STIM1: variants seen among roughly 807,000 people sequenced by gnomAD.
STIM1 encodes stromal interaction molecule 1.
In STIM1, 25 loss-of-function variants were observed where a neutral mutation model predicts 74.7. That is an observed-to-expected ratio of 0.33 (90% CI 0.24 to 0.47). STIM1 has a LOEUF of 0.47. Ranked by LOEUF, STIM1 falls within the 20% of genes least tolerant of loss-of-function variation. The pLI, the probability that STIM1 is intolerant of heterozygous loss-of-function variation, is 1.00. For missense variants in STIM1, 728 were observed against 920.8 expected (o/e 0.79, Z 2.71); for synonymous variants, 328 against 348.8 (o/e 0.94, Z 0.66).
intron 1 of STIM1, among the ~76,000 whole-genome samples, chr11:3,945,674 C>T (rs1299644665): frequency 6.6e-6 from 1 of 152,176 alleles, no homozygotes; most frequent in African/African-American, 2.4e-5. Context: ...TCTGTTAGGC[C>T]AGGGACCATG....
intron 1 of STIM1, among the ~76,000 whole-genome samples, chr11:3,885,593 A>G (rs776876176): frequency 1.3e-5 from 2 of 152,160 alleles, no homozygotes; most frequent in Non-Finnish European, 2.9e-5. Context: ...TCAGCTCACA[A>G]AGGTGGACAC....
chr11:3,918,296 C>T (rs963314989), intron 1 of STIM1, among the ~76,000 whole-genome samples: 1 of 152,116 alleles, frequency 6.6e-6, no homozygotes, highest in Non-Finnish European at 1.5e-5. Context: ...GCAGGTGGAT[C>T]ACTTGAGCCC....
chr11:3,980,712 G>T (rs1406635615), intron 2 of STIM1, among the ~76,000 whole-genome samples: 1 of 148,754 alleles, frequency 6.7e-6, no homozygotes, highest in Non-Finnish European at 1.5e-5. Context: ...AAAGGAAAAA[G>T]AAATTTCATT....
intron 3 of STIM1, among the ~76,000 whole-genome samples, chr11:4,043,190 G>A (rs1007299532): frequency 6.6e-6 from 1 of 152,102 alleles, no homozygotes. Context: ...CAGGGGTTTG[G>A]CAGTCTTTAA....
At chr11:3,939,727 A>G (rs921964338) in intron 1 of STIM1, among the ~76,000 whole-genome samples, 6 of 152,226 alleles carry the variant, frequency 3.9e-5, no homozygotes, top group South Asian at 2.1e-4. Context: ...TATTTGTTAA[A>G]TAAATGAATG....
At chr11:3,981,986 T>C (rs979042072) in intron 2 of STIM1, among the ~76,000 whole-genome samples, 26 of 152,172 alleles carry the variant, frequency 1.7e-4, no homozygotes, top group African/African-American at 5.3e-4. Flanking sequence ...TCTCTCTCTC[T>C]CTGTCTCTTT....
chr11:4,064,651 A>G (rs574478914), intron 5 of STIM1, among the ~76,000 whole-genome samples: 3 of 152,332 alleles, frequency 2.0e-5, no homozygotes, highest in Admixed American at 6.5e-5. Flanking sequence ...AACAGGTGCC[A>G]TCTGTCCACA....
intron 2 of STIM1, among the ~76,000 whole-genome samples, chr11:4,005,585 G>A (rs1050428543): frequency 1.5e-5 from 2 of 133,148 alleles, no homozygotes; most frequent in South Asian, 3.0e-4. Flanking sequence ...GTTGTGGGGT[G>A]GGGGGAGGGG....
intron 2 of STIM1, among the ~76,000 whole-genome samples, chr11:4,006,691 G>A (rs551932656): frequency 1.8e-4 from 27 of 152,318 alleles, no homozygotes; most frequent in African/African-American, 6.0e-4. Context: ...TGGGATTACA[G>A]GTGTGAGCCA....
At position 4,031,353 on chromosome 11, in the gene STIM1, A is replaced by G. The variant is rs564429010; in HGVS notation, c.385+7366A>G. ...GGCTATTACAAATAAAGCTGCTATGAACATTCACATGTAAGTCTGTATGGA... is the reference window on the plus strand; with the variant it reads ...GGCTATTACAAATAAAGCTGCTATGGACATTCACATGTAAGTCTGTATGGA... On this transcript the variant is annotated intron_variant, in intron 3 of 12. Transcript: ENST00000526596. Among the ~76,000 whole-genome samples, 5 of 152,338 alleles carry G rather than the reference A, an allele frequency of 3.3e-5. No individual in the cohort carries two copies. In the East Asian group the frequency reaches 9.6e-4, roughly 29 times the overall value.
intron 2 of STIM1, among the ~76,000 whole-genome samples, chr11:3,994,216 G>T (rs2093641279): frequency 6.6e-6 from 1 of 152,174 alleles, no homozygotes; most frequent in African/African-American, 2.4e-5. Context: ...TTTTTGGTGA[G>T]AAGTTAACTG....
At chr11:4,071,869 T>C (rs547484861) in intron 6 of STIM1, among the ~76,000 whole-genome samples, 1 of 152,284 alleles carries the variant, frequency 6.6e-6, no homozygotes, top group South Asian at 2.1e-4. Context: ...CACTCCAGGG[T>C]GCTGCCTCTA....
At chr11:4,013,854 G>GCCAC (rs1489218613) in intron 2 of STIM1, among the ~76,000 whole-genome samples, 1 of 151,400 alleles carries the variant, frequency 6.6e-6, no homozygotes, top group Non-Finnish European at 1.5e-5. Flanking sequence ...ACAGGCACCC[G>GCCAC]CCACCATGCC....
rs200648767 is a variant in STIM1, at chr11:4,055,548, G to A, written c.408G>A (p.Glu136=). The A allele has an allele frequency of 1.9e-6, 3 of 1,600,730 alleles. 1 individual carries two copies. The Admixed American group carries it at 5.1e-5, about 27-fold the overall frequency. The change falls in exon 4 of 13, where the codon GAG becomes GAA. Residue 136 remains glutamate, a synonymous_variant. Coordinates refer to ENST00000526596, the MANE Select transcript of STIM1 (RefSeq NM_001382567.1). ...CAGTATACAATTGGACCGTGGATGAGGTGGTACAGTGGCTGATCACATATG... is the reference window on the plus strand; with the variant it reads ...CAGTATACAATTGGACCGTGGATGAAGTGGTACAGTGGCTGATCACATATG... The part of the protein sequence containing the change: ...SSEVYNWTVD[E]VVQWLITYVE...
intron 2 of STIM1, among the ~76,000 whole-genome samples, chr11:4,003,620 A>T (rs904516487): frequency 6.6e-6 from 1 of 152,198 alleles, no homozygotes; most frequent in Non-Finnish European, 1.5e-5. Flanking sequence ...TGACAGACCC[A>T]CAGCCAATAT....
chr11:3,864,578 G>T (rs1289495928), intron 1 of STIM1, among the ~76,000 whole-genome samples: 2 of 152,216 alleles, frequency 1.3e-5, no homozygotes, highest in Non-Finnish European at 1.5e-5. Flanking sequence ...GCAAGAGAGA[G>T]TGCCTAAGAT....
intron 12 of STIM1, among the ~76,000 whole-genome samples, chr11:4,087,079 A>G (rs938504500): frequency 1.3e-5 from 2 of 152,122 alleles, no homozygotes; most frequent in Admixed American, 6.5e-5. Context: ...ATGAGTAACG[A>G]CTTTCTTCCC....
chr11:4,009,590 CAG>C (rs2093816545), intron 2 of STIM1, among the ~76,000 whole-genome samples: 1 of 151,282 alleles, frequency 6.6e-6, no homozygotes, highest in Non-Finnish European at 1.5e-5. Flanking sequence ...CTTGGGCAGA[CAG>C]AGTGAGACTC....
At chr11:4,042,602 C>T (rs2094156693) in intron 3 of STIM1, among the ~76,000 whole-genome samples, 1 of 152,112 alleles carries the variant, frequency 6.6e-6, no homozygotes, top group Admixed American at 6.5e-5. Context: ...CACTTGTTTT[C>T]AAGGACCTTT....
Sources: gnomAD v4.1 joint callset for allele counts (sites outside exome capture counted in the v4.1 genomes callset) on GRCh38, gnomAD v4.1.1 for gene constraint, MANE v1.5 for transcripts, NCBI Gene and HGNC (gene_info 2026-07-23, HGNC 2026-07-21) for gene names.